CCAR2: variants seen among roughly 807,000 people sequenced by gnomAD.
CCAR2 encodes the protein cell cycle and apoptosis regulator protein 2.
In CCAR2, 21 loss-of-function variants were observed where a neutral mutation model predicts 108.1. The observed-to-expected ratio is 0.19, with a 90% CI of 0.14 to 0.28. The LOEUF is 0.28. CCAR2 is among the 10% of genes least tolerant of loss of function. CCAR2 has a pLI of 1.00. For synonymous variants in CCAR2, 577 were observed against 472.8 expected (o/e 1.22, Z -2.86); for missense variants, 1,126 against 1,177.0 (o/e 0.96, Z 0.63).
rs1286569341 is a variant in CCAR2, at chr8:22,620,321, G to GT, written c.*640dup. 3 of 152,390 alleles carry GT rather than the reference G, an allele frequency of 2.0e-5. No homozygotes were observed. The highest frequency in any genetic ancestry group is 2.9e-5 in the Non-Finnish European group (2 of 68,098). The allele number at this position is 152,390 out of a possible 1,614,324, so 9.4% of individuals were successfully genotyped here. A position where few individuals can be genotyped will look rare whatever the true frequency, so the allele number is the denominator to read the frequency against. ...CCGTGGCTCCTGTGTTCAGAATGTG[G>GT]TATTGGCTCTGGCCCAGCCTTCTCC... On this transcript the variant is annotated 3_prime_UTR_variant, in exon 21 of 21. Transcript: ENST00000308511.
In CCAR2 at chr8:22,618,488, C is replaced by T; in HGVS notation, c.2213C>T (p.Ala738Val). 1.2e-6 allele frequency: 2 copies of T among 1,614,218 alleles called. No homozygotes were observed. Among genetic ancestry groups the T allele is most frequent in the Non-Finnish European group, 1.7e-6 (2 of 1,180,056 alleles). Residue 738 changes from alanine (A) to valine (V), a missense_variant, in exon 17 of 21, where the codon GCA becomes GTA. By Grantham distance (64) the Ala-to-Val change is moderately conservative. Coordinates refer to ENST00000308511, the MANE Select transcript of CCAR2 (RefSeq NM_001393997.1). The stretch of plus-strand genomic sequence containing the variant: ...CTTACCCTTGGGATCCGGCTCAGTG[C>T]AGAGCAGGTACCTTCTTTCCTCTGC... ...ILLTLGIRLS[A>V]EQAKQLVSRV...
At chr8:22,605,995 C>T (rs1258885500) in intron 2 of CCAR2, 90 bp from the exon 3 acceptor site, 11 of 1,334,354 alleles carry the variant, frequency 8.2e-6, no homozygotes, top group South Asian at 1.2e-5. Context: ...CTGGCTGGAG[C>T]TGTAGCCTTT....
chr8:22,615,193 ACT>A (rs746487851), intron 11 of CCAR2, 192 bp downstream of exon 11: 528 of 893,446 alleles, frequency 5.9e-4, no homozygotes, highest in Middle Eastern at 2.1e-3. Flanking sequence ...TGCACTTGAG[ACT>A]CCCTGGAGTT....
At chr8:22,613,355 CTTTTTTTT>C (rs5890057) in intron 8 of CCAR2, among the ~76,000 whole-genome samples, 2 of 125,844 alleles carry the variant, frequency 1.6e-5, no homozygotes, top group Non-Finnish European at 1.7e-5. Context: ...AGATCTAGTT[CTTTTTTTT>C]TTTTTTTTTT....
intron 7 of CCAR2, among the ~76,000 whole-genome samples, chr8:22,611,782 T>A (rs1382025133): frequency 6.6e-6 from 1 of 151,796 alleles, no homozygotes; most frequent in Non-Finnish European, 1.5e-5. Flanking sequence ...GGTTTTTTAC[T>A]CTCAGTTTAT....
At position 22,606,518 on chromosome 8, in the gene CCAR2, G is replaced by A; in HGVS notation, c.151-89G>A. 3.0e-6 allele frequency: 3 copies of A among 996,194 alleles called. No homozygotes were observed. The South Asian group carries it at 4.0e-5, about 13-fold the overall frequency. 61.7% of individuals were successfully genotyped at this position (996,194 alleles called of 1,614,324 possible). ...CTCTTGATGCAGTACGCTGAGCTGG[G>A]GCGTGGGTTGAGATGAGACCTTCAT... On this transcript the variant is annotated intron_variant, in intron 3 of 20. Coordinates refer to ENST00000308511, the MANE Select transcript of CCAR2 (RefSeq NM_001393997.1).
intron 1 of CCAR2, chr8:22,605,474 C>G (rs537598249): frequency 2.9e-6 from 1 of 345,980 alleles, no homozygotes; most frequent in Non-Finnish European, 5.3e-6. Context: ...GTCTCTTGAT[C>G]TCTCTGAGCA....
At chr8:22,608,257 G>T (rs1371038820) in intron 7 of CCAR2, among the ~76,000 whole-genome samples, 192 bp downstream of exon 7, 1 of 152,180 alleles carries the variant, frequency 6.6e-6, no homozygotes, top group South Asian at 2.1e-4. Flanking sequence ...AGACACAACT[G>T]AAATGTGTAT....
chr8:22,616,543 C>T lies in CCAR2; in HGVS notation c.1845+295C>T, dbSNP rs191215520. ...TAACTAGAAAATTTTGTAGGCCGGG[C>T]GCTGTAGCTCACCCCTGTAATCCCA... On this transcript the variant is annotated intron_variant, in intron 14 of 20. Coordinates refer to ENST00000308511, the MANE Select transcript of CCAR2 (RefSeq NM_001393997.1). 117 of 429,198 alleles carry T rather than the reference C, an allele frequency of 2.7e-4. 2 individuals are homozygous for T. In the Admixed American group the frequency reaches 3.3e-3, roughly 12 times the overall value. The allele number at this position is 429,198 out of a possible 1,614,324, so 26.6% of individuals were successfully genotyped here. A position where few individuals can be genotyped will look rare whatever the true frequency, so the allele number is the denominator to read the frequency against.
chr8:22,619,585 C>T (rs2117473935), intron 20 of CCAR2, 53 bp from the exon 21 acceptor site: 12 of 1,544,866 alleles, frequency 7.8e-6, no homozygotes, highest in Non-Finnish European at 1.1e-5. Flanking sequence ...AGTCCGCAGT[C>T]CTCAGATCAC....
intron 12 of CCAR2, 37 bp from the exon 13 acceptor site, chr8:22,615,645 C>T (rs11781149): frequency 0.31 from 498,256 of 1,613,184 alleles, 79,115 homozygotes; most frequent in South Asian, 0.36. Flanking sequence ...GGCCTAATCC[C>T]GGGACCCAGA....
chr8:22,605,928 T>A lies in CCAR2; in HGVS notation c.58+97T>A. The A allele has an allele frequency of 5.1e-6, 7 of 1,365,128 alleles. No homozygotes were observed. The South Asian group carries it at 8.4e-5, about 16-fold the overall frequency. The allele number at this position is 1,365,128 out of a possible 1,614,324, so 84.6% of individuals were successfully genotyped here. On this transcript the variant is annotated intron_variant, in intron 2 of 20. Coordinates refer to ENST00000308511, the MANE Select transcript of CCAR2 (RefSeq NM_001393997.1). ...GGTGGAGAGCAATTTGCTGCTGATGTTCCTCTGGAAAGCAGGAGATGCCCA... is the reference window on the plus strand; with the variant it reads ...GGTGGAGAGCAATTTGCTGCTGATGATCCTCTGGAAAGCAGGAGATGCCCA...
chr8:22,615,706 C>T lies in CCAR2; in HGVS notation c.1402C>T (p.Pro468Ser). ...QGETEPTEQAPDALEQAADTS... is the reference protein window; with the variant it reads ...QGETEPTEQASDALEQAADTS... ...GGAAACGGAGCCTACTGAACAGGCA[C>T]CTGATGCCTTGGAGCAAGCAGCAGA... The change falls in exon 13 of 21, where the codon CCT (proline) becomes TCT (serine). Residue 468 changes from proline to serine, a missense_variant. Pro to Ser is a moderately conservative substitution (Grantham distance 74). This residue lies in a region of CCAR2 where 1,013 missense variants were observed against 993.9 expected (regional missense o/e 1.02). Coordinates refer to ENST00000308511, the MANE Select transcript of CCAR2 (RefSeq NM_001393997.1). The T allele has an allele frequency of 1.2e-6, 2 of 1,613,740 alleles. No individual in the cohort carries two copies. The highest frequency in any genetic ancestry group is 1.7e-6 in the Non-Finnish European group (2 of 1,180,030).
chr8:22,607,795 T>G (rs1164255273), intron 6 of CCAR2, among the ~76,000 whole-genome samples, 174 bp from the exon 7 acceptor site: 1 of 152,154 alleles, frequency 6.6e-6, no homozygotes, highest in African/African-American at 2.4e-5. Context: ...CGGCTGATTT[T>G]TTGTATTTTT....
intron 8 of CCAR2, among the ~76,000 whole-genome samples, chr8:22,613,539 G>C (rs977636925): frequency 2.6e-5 from 4 of 152,132 alleles, no homozygotes; most frequent in African/African-American, 9.7e-5. Flanking sequence ...CAAAGGCTTT[G>C]CTTTAAGCTT....
intron 16 of CCAR2, 78 bp from the exon 17 acceptor site, chr8:22,618,265 GGATTCT>G: frequency 6.3e-7 from 1 of 1,578,600 alleles, no homozygotes; most frequent in African/African-American, 1.3e-5. Flanking sequence ...CCAAGCCACT[GGATTCT>G]GGACAGGCTG....
rs749909152 is a variant in CCAR2 at position 22,615,883 on chromosome 8, C to G, written c.1579C>G (p.Arg527Gly). Reference sequence around the variant, plus strand: ...GTCCCTCCATGGGATTGTGGAGGATCGGAGGCCAAAGGAAAGGATCTCTTT... The same window carrying G: ...GTCCCTCCATGGGATTGTGGAGGATGGGAGGCCAAAGGAAAGGATCTCTTT... ...NLSLHGIVEDRRPKERISFEV... is the reference protein window; with the variant it reads ...NLSLHGIVEDGRPKERISFEV... Residue 527 changes from arginine to glycine, a missense_variant, in exon 13 of 21, where the codon CGG becomes GGG. Arg to Gly is a moderately radical substitution (Grantham distance 125, BLOSUM62 -2). Coordinates refer to ENST00000308511, the MANE Select transcript of CCAR2 (RefSeq NM_001393997.1). The G allele has an allele frequency of 1.2e-5, 19 of 1,613,950 alleles. No individual in the cohort carries two copies. The East Asian group carries it at 2.9e-4, about 25-fold the overall frequency.
intron 11 of CCAR2, chr8:22,615,219 G>T: frequency 1.2e-6 from 1 of 853,602 alleles, no homozygotes; most frequent in Non-Finnish European, 1.8e-6. Context: ...CTTGCACCTT[G>T]TAGGGTGCTT....
chr8:22,617,564 G>A lies in CCAR2; in HGVS notation c.1990G>A (p.Ala664Thr). The change falls in exon 15 of 21, where the codon GCA (alanine) becomes ACA (threonine). Residue 664 changes from alanine (A) to threonine (T), a missense_variant and splice_region_variant. Transcript: ENST00000308511. ...LLRDDGEEEF[A>T]GAKLEDSEVR... ...GAGGGATGATGGAGAGGAGGAGTTTGGTATGTTGAGTGGTGAGAGGGGAGC... is the reference window on the plus strand; with the variant it reads ...GAGGGATGATGGAGAGGAGGAGTTTAGTATGTTGAGTGGTGAGAGGGGAGC... 1.2e-6 allele frequency: 2 copies of A among 1,600,286 alleles called. No homozygotes were observed. The highest frequency in any genetic ancestry group is 8.5e-7 in the Non-Finnish European group (1 of 1,172,086).
Sources: gnomAD v4.1 joint callset for allele counts (sites outside exome capture counted in the v4.1 genomes callset) on GRCh38, gnomAD v4.1.1 for gene constraint, gnomAD v4.1.1 regional missense constraint, MANE v1.5 for transcripts, NCBI Gene and HGNC (gene_info 2026-07-23, HGNC 2026-07-21) for gene names.